The following HRH2 variants were observed in gnomAD, a reference collection of about 807,000 sequenced individuals.
HRH2 encodes the protein histamine receptor H2.
A neutral mutation model predicts 20.1 loss-of-function variants in HRH2; 4 were observed. The observed-to-expected ratio is 0.20, with a 90% CI of 0.10 to 0.45. The LOEUF is 0.45. Ranked by LOEUF, HRH2 falls within the 20% of genes least tolerant of loss-of-function variation. The pLI, the probability that HRH2 is intolerant of heterozygous loss-of-function variation, is 0.99. For missense variants in HRH2, 250 were observed against 461.6 expected (o/e 0.54, Z 4.20); for synonymous variants, 197 against 200.7 (o/e 0.98, Z 0.16).
intron 1 of HRH2, among the ~76,000 whole-genome samples, chr5:175,669,972 C>T (rs530513498): frequency 1.2e-4 from 19 of 152,184 alleles, no homozygotes; most frequent in Non-Finnish European, 2.4e-4. Context: ...TTCCAAGGAG[C>T]CCAAATTTTA....
intron 1 of HRH2, among the ~76,000 whole-genome samples, chr5:175,672,398 C>A (rs2113492336): frequency 6.6e-6 from 1 of 152,342 alleles, no homozygotes; most frequent in Middle Eastern, 3.4e-3. Context: ...CAGGCCTCTG[C>A]CACGCTCGCC....
chr5:175,683,110 AAAC>A lies in HRH2; in HGVS notation c.-123_-121del. On this transcript the variant is annotated 5_prime_UTR_variant, in exon 2 of 3. It adds an upstream start codon to the 5' untranslated region. Coordinates refer to ENST00000636584, the MANE Select transcript of HRH2 (RefSeq NM_001367711.1). The stretch of plus-strand genomic sequence containing the variant: ...CCTGGCCAAAAAAAAAAAAAAAAAA[AAAC>A]TGGACACATTTTGGATCTGTTGGGA... The A allele has an allele frequency of 1.5e-5, 19 of 1,278,752 alleles. No individual in the cohort carries two copies. The highest frequency in any genetic ancestry group is 3.0e-5 in the African/African-American group (2 of 65,840). 79.2% of individuals were successfully genotyped at this position (1,278,752 alleles called of 1,614,324 possible).
In HRH2 at chr5:175,665,242, G is replaced by C. The variant is rs140370391; in HGVS notation, c.-526+7087G>C. Among the ~76,000 whole-genome samples, 749 of 152,288 alleles carry C rather than the reference G, an allele frequency of 4.9e-3. 3 individuals are homozygous for C. Among genetic ancestry groups the C allele is most frequent in the Admixed American group, 0.011 (174 of 15,294 alleles). On this transcript the variant is annotated intron_variant, in intron 1 of 2. Coordinates refer to ENST00000636584, the MANE Select transcript of HRH2 (RefSeq NM_001367711.1). ...GGAACAGCTGATGCCAGCCTCCCGG[G>C]GTTCCTGCTACGACCGAGGAGGTAC...
intron 1 of HRH2, among the ~76,000 whole-genome samples, chr5:175,673,773 C>A (rs1046543817): frequency 1.3e-5 from 2 of 151,352 alleles, no homozygotes; most frequent in East Asian, 3.9e-4. Flanking sequence ...GCGCAATCTC[C>A]GCTCAATGCA....
In HRH2 at chr5:175,707,811, G is replaced by C. The variant is rs747173564; in HGVS notation, c.1109G>C (p.Ser370Thr). The change falls in exon 3 of 3, where the codon AGC (serine) becomes ACC (threonine). Residue 370 changes from serine to threonine, a missense_variant. Physicochemically the swap from Ser to Thr is moderately conservative, Grantham distance 58. Transcript: ENST00000636584. Reference protein sequence around the residue: ...KPALSCTTCSSNLLSCCKSLW... With the variant: ...KPALSCTTCSTNLLSCCKSLW... ...GCACTGTCCTGCACTACGTGCTCCA[G>C]CAACCTCCTGAGCTGCTGCAAGAGC... 1 of 399,098 alleles carries C rather than the reference G, an allele frequency of 2.5e-6. No homozygotes were observed. The highest frequency in any genetic ancestry group is 4.4e-6 in the Non-Finnish European group (1 of 226,202). 24.7% of individuals were successfully genotyped at this position (399,098 alleles called of 1,614,324 possible).
At position 175,684,169 on chromosome 5, in the gene HRH2, C is replaced by T; in HGVS notation, c.936C>T (p.Ser312=). 6.2e-7 allele frequency: 1 copy of T among 1,614,170 alleles called. No individual in the cohort carries two copies. The highest frequency in any genetic ancestry group is 8.5e-7 in the Non-Finnish European group (1 of 1,180,036). The change falls in exon 2 of 3, where the codon TCC becomes TCT. Residue 312 remains serine (S), a synonymous_variant. Coordinates refer to ENST00000636584, the MANE Select transcript of HRH2 (RefSeq NM_001367711.1). ...LFCCRLANRN[S]HKTSLRSNAS... ...GCTGCAGGCTGGCCAACCGCAACTC[C>T]CACAAAACTTCTCTGAGGTCCAACG...
chr5:175,663,358 G>T (rs1365034711), intron 1 of HRH2, among the ~76,000 whole-genome samples: 1 of 152,202 alleles, frequency 6.6e-6, no homozygotes, highest in East Asian at 1.9e-4. Flanking sequence ...ATCCTTGTGG[G>T]TGTGAAGTCG....
intron 1 of HRH2, among the ~76,000 whole-genome samples, chr5:175,660,686 A>T (rs1174828966): frequency 6.6e-6 from 1 of 152,212 alleles, no homozygotes; most frequent in Non-Finnish European, 1.5e-5. Context: ...CCTGATTGAA[A>T]AAAAGGTAAC....
In HRH2 at chr5:175,690,915, C is replaced by T. The variant is rs541524628; in HGVS notation, c.1076+6606C>T. 4.6e-5 allele frequency among the ~76,000 whole-genome samples: 7 copies of T among 152,344 alleles called. No homozygotes were observed. In the East Asian group the frequency reaches 7.7e-4, roughly 17 times the overall value. On this transcript the variant is annotated intron_variant, in intron 2 of 2. Coordinates refer to ENST00000636584, the MANE Select transcript of HRH2 (RefSeq NM_001367711.1). ...TTGCCACGGTGCTATCTTTATTTTC[C>T]GTCTTTTCTTCCTTCGTCCCTTTCT...
chr5:175,663,189 AGAATGGCT>A (rs1762787651), intron 1 of HRH2, among the ~76,000 whole-genome samples: 1 of 152,208 alleles, frequency 6.6e-6, no homozygotes, highest in Admixed American at 6.5e-5. Flanking sequence ...GCCTCGGAGT[AGAATGGCT>A]GGATCACATG....
intron 1 of HRH2, among the ~76,000 whole-genome samples, chr5:175,665,399 G>A (rs1762857449): frequency 6.6e-6 from 1 of 152,162 alleles, no homozygotes; most frequent in African/African-American, 2.4e-5. Context: ...GAGAATTAAA[G>A]AGAGTTAAAG....
intron 2 of HRH2, chr5:175,685,588 C>A: frequency 1.1e-6 from 1 of 939,566 alleles, no homozygotes; most frequent in Non-Finnish European, 1.7e-6. Flanking sequence ...TACAGAAAAT[C>A]AATGGCACAG....
rs188999989 is a variant in HRH2 at position 175,675,675 on chromosome 5, A to G, written c.-525-7034A>G. ...CTCACCCAACCCTAGCCTGGAGCCC[A>G]TCTCAGCCATATGGCCCTGTCTCAC... On this transcript the variant is annotated intron_variant, in intron 1 of 2. Transcript: ENST00000636584. Among the ~76,000 whole-genome samples the G allele has an allele frequency of 1.2e-4, 18 of 152,300 alleles. No individual in the cohort carries two copies. In the East Asian group the frequency reaches 3.5e-3, roughly 29 times the overall value.
intron 2 of HRH2, among the ~76,000 whole-genome samples, chr5:175,701,000 A>C (rs77804583): frequency 0.059 from 9,020 of 152,314 alleles, 819 homozygotes; most frequent in African/African-American, 0.19. Context: ...GATGCAAGAA[A>C]TAGCAGGATA....
rs1442487439 is a variant in HRH2 at position 175,678,633 on chromosome 5, C to T, written c.-525-4076C>T. Reference sequence around the variant, plus strand: ...CAAACCACCTACTTCACAGGGTTGCCGTGACGCTCGCCCAGAAGGGGCGTC... The same window carrying T: ...CAAACCACCTACTTCACAGGGTTGCTGTGACGCTCGCCCAGAAGGGGCGTC... On this transcript the variant is annotated intron_variant, in intron 1 of 2. Coordinates refer to ENST00000636584, the MANE Select transcript of HRH2 (RefSeq NM_001367711.1). Among the ~76,000 whole-genome samples, 3 of 152,370 alleles carry T rather than the reference C, an allele frequency of 2.0e-5. No homozygotes were observed. In the Middle Eastern group the frequency reaches 0.01, roughly 518 times the overall value.
chr5:175,672,410 GC>G (rs1346211222), intron 1 of HRH2, among the ~76,000 whole-genome samples: 5 of 152,202 alleles, frequency 3.3e-5, no homozygotes, highest in African/African-American at 1.2e-4. Context: ...ACGCTCGCCA[GC>G]CCACTGCGGA....
rs1156305068 is a variant in HRH2 at position 175,709,706 on chromosome 5, A to G, written c.*1735A>G. 6.6e-6 allele frequency: 1 copy of G among 152,246 alleles called. No individual in the cohort carries two copies. Among genetic ancestry groups the G allele is most frequent in the Non-Finnish European group, 1.5e-5 (1 of 68,196 alleles). 9.4% of individuals were successfully genotyped at this position (152,246 alleles called of 1,614,324 possible). ...CTACTCTGTGTCACTCCATCCGACC[A>G]CCATTGTCTCCATCAGGACAGTTGG... On this transcript the variant is annotated 3_prime_UTR_variant, in exon 3 of 3. Transcript: ENST00000636584.
rs1179998649 is a variant in HRH2 at position 175,681,318 on chromosome 5, G to A, written c.-525-1391G>A. Among the ~76,000 whole-genome samples the A allele has an allele frequency of 6.6e-6, 1 of 152,234 alleles. No individual in the cohort carries two copies. The highest frequency in any genetic ancestry group is 1.5e-5 in the Non-Finnish European group (1 of 68,046). On this transcript the variant is annotated intron_variant, in intron 1 of 2. Transcript: ENST00000636584. This position sits in a 1 kb window ranked among gnomAD's most constrained non-coding sequence, Gnocchi z 4.3. ...ATCCCTGCACGAACACAATCGTTGT[G>A]ATTAAATGATGCTTCTCATATTCAG...
intron 1 of HRH2, among the ~76,000 whole-genome samples, chr5:175,672,143 G>A (rs1266054889): frequency 6.6e-6 from 1 of 152,204 alleles, no homozygotes; most frequent in African/African-American, 2.4e-5. Context: ...TGAGGAAACT[G>A]AGGATATGAA....
Sources: gnomAD v4.1 joint callset for allele counts (sites outside exome capture counted in the v4.1 genomes callset) on GRCh38, gnomAD v4.1.1 for gene constraint, Gnocchi (gnomAD v3.1) non-coding constraint, MANE v1.5 for transcripts, NCBI Gene and HGNC (gene_info 2026-07-23, HGNC 2026-07-21) for gene names.